The following CHLSN variants were observed in gnomAD, a reference collection of about 807,000 sequenced individuals.
CHLSN encodes cholesin.
chr7:1,057,333 C>T, the CHLSN span, among the ~76,000 whole-genome samples: 3 of 152,286 alleles, frequency 2.0e-5, no homozygotes, highest in East Asian at 1.9e-4. Context: ...CATTTTTCAA[C>T]GCTCAACTTC....
the CHLSN span, among the ~76,000 whole-genome samples, chr7:1,113,819 C>G: frequency 6.6e-6 from 1 of 152,200 alleles, no homozygotes; most frequent in Non-Finnish European, 1.5e-5. Flanking sequence ...TGCAGAAACT[C>G]TGAGCCATGG....
the CHLSN span, among the ~76,000 whole-genome samples, chr7:1,132,268 C>T: frequency 1.3e-5 from 2 of 152,188 alleles, no homozygotes; most frequent in East Asian, 1.9e-4. Flanking sequence ...AGTAAAGAGG[C>T]TGAGTGCAGT....
the CHLSN span, among the ~76,000 whole-genome samples, chr7:1,070,369 C>A: frequency 3.5e-5 from 5 of 141,056 alleles, no homozygotes; most frequent in Non-Finnish European, 6.4e-5. Context: ...GGGTCAGCCC[C>A]CCGCCCGGCC....
chr7:984,973 C>T, the CHLSN span: 27 of 1,606,252 alleles, frequency 1.7e-5, no homozygotes, highest in Admixed American at 5.0e-5. Flanking sequence ...ATCTGGGGCG[C>T]GCTGGAGGGC....
At chr7:1,097,762 C>T in the CHLSN span, among the ~76,000 whole-genome samples, 1 of 152,140 alleles carries the variant, frequency 6.6e-6, no homozygotes, top group Non-Finnish European at 1.5e-5. The surrounding 1 kb of genome is among the most constrained non-coding windows in gnomAD (Gnocchi z 4.3). Flanking sequence ...ATGGGCAGCA[C>T]CAACAAGGAG....
At chr7:1,015,636 A>T in the CHLSN span, among the ~76,000 whole-genome samples, 1 of 152,306 alleles carries the variant, frequency 6.6e-6, no homozygotes, top group East Asian at 1.9e-4. Context: ...CTGACCCAGG[A>T]GAGCAGGGAG....
At chr7:1,069,061 G>T in the CHLSN span, among the ~76,000 whole-genome samples, 3 of 152,330 alleles carry the variant, frequency 2.0e-5, no homozygotes, top group East Asian at 5.8e-4. Context: ...GGCCGGGCGC[G>T]GTGGCTCATG....
chr7:1,006,493 G>C, the CHLSN span, among the ~76,000 whole-genome samples: 2 of 144,112 alleles, frequency 1.4e-5, no homozygotes, highest in African/African-American at 5.3e-5. Flanking sequence ...GACGGCCACA[G>C]CGCAGGGAAA....
the CHLSN span, among the ~76,000 whole-genome samples, chr7:1,041,032 C>T: frequency 6.6e-6 from 1 of 152,242 alleles, no homozygotes; most frequent in African/African-American, 2.4e-5. Flanking sequence ...TCCTGGGCAC[C>T]TCCCACGTTC....
At chr7:1,136,201 AAT>A in the CHLSN span, among the ~76,000 whole-genome samples, 1 of 106,154 alleles carries the variant, frequency 9.4e-6, no homozygotes, top group African/African-American at 4.5e-5. Context: ...TATATACACA[AAT>A]ATATAAATAT....
chr7:1,095,115 T>C, the CHLSN span, among the ~76,000 whole-genome samples: 1 of 151,884 alleles, frequency 6.6e-6, no homozygotes, highest in East Asian at 1.9e-4. Context: ...CCTCTGCCCT[T>C]CCAGAGCCTG....
At chr7:1,052,540 G>A in the CHLSN span, among the ~76,000 whole-genome samples, 1 of 152,148 alleles carries the variant, frequency 6.6e-6, no homozygotes, top group Non-Finnish European at 1.5e-5. The surrounding 1 kb of genome is among the most constrained non-coding windows in gnomAD (Gnocchi z 4.2). Context: ...AAGTGGGGGA[G>A]CCAGGAAGGA....
At chr7:1,019,989 C>T in the CHLSN span, among the ~76,000 whole-genome samples, 1 of 152,224 alleles carries the variant, frequency 6.6e-6, no homozygotes. Flanking sequence ...ACGCTCGGCT[C>T]TCGTCTCAGG....
the CHLSN span, chr7:987,225 G>A: frequency 6.5e-7 from 1 of 1,537,278 alleles, no homozygotes. Flanking sequence ...CTTCTGATGG[G>A]CCGGCACCCG....
the CHLSN span, among the ~76,000 whole-genome samples, chr7:1,016,121 A>ACACAGCAGCGCACGCCAGCG: frequency 2.7e-5 from 2 of 74,684 alleles, no homozygotes; most frequent in Non-Finnish European, 5.0e-5. Context: ...GCACAGCAGC[A>ACACAGCAGCGCACGCCAGCG]CACAGCAGCA....
At chr7:1,009,220 G>A in the CHLSN span, among the ~76,000 whole-genome samples, 1 of 152,156 alleles carries the variant, frequency 6.6e-6, no homozygotes. Context: ...GCCCCCACAG[G>A]ACACCCTGCC....
the CHLSN span, among the ~76,000 whole-genome samples, chr7:1,126,582 G>A: frequency 1.3e-4 from 20 of 151,680 alleles, no homozygotes; most frequent in Middle Eastern, 0.01. Flanking sequence ...CTGTGGGGCC[G>A]AGGCAGGAAA....
chr7:1,099,376 G>A, the CHLSN span, among the ~76,000 whole-genome samples: 1 of 152,262 alleles, frequency 6.6e-6, no homozygotes, highest in East Asian at 1.9e-4. Flanking sequence ...GGGGACGCCA[G>A]CCCAACACTC....
the CHLSN span, among the ~76,000 whole-genome samples, chr7:1,068,705 T>A: frequency 1.3e-5 from 2 of 151,978 alleles, no homozygotes; most frequent in African/African-American, 4.8e-5. Flanking sequence ...ATGACGAAAG[T>A]TTTACTCGTC....
Sources: allele counts gnomAD v4.1 joint callset (sites outside exome capture counted in the v4.1 genomes callset), GRCh38; gene constraint gnomAD v4.1.1; non-coding constraint Gnocchi (gnomAD v3.1); transcripts MANE v1.5; gene names NCBI Gene and HGNC (gene_info 2026-07-23, HGNC 2026-07-21).